GRID2: variants seen among roughly 807,000 people sequenced by gnomAD.
The protein encoded by GRID2 is glutamate ionotropic receptor delta type subunit 2, also known as glutamate receptor ionotropic, delta-2.
In GRID2, 33 loss-of-function variants were observed where a neutral mutation model predicts 114.8. The observed-to-expected ratio is 0.29, with a 90% CI of 0.22 to 0.38. The LOEUF (loss-of-function observed/expected upper bound fraction) is 0.38. Among genes scored for constraint, GRID2 ranks in the 10% least tolerant of loss-of-function variants. The pLI, the probability that GRID2 is intolerant of heterozygous loss-of-function variation, is 1.00. For missense variants in GRID2, 1,184 were observed against 1,257.7 expected, an observed-to-expected ratio of 0.94 and a Z score of 0.89; for synonymous variants, 505 against 449.9, an observed-to-expected ratio of 1.12 and a Z score of -1.55.
At chr4:92,605,427 T>C (rs1450613055) in intron 2 of GRID2, among the ~76,000 whole-genome samples, 1 of 151,902 alleles carries the variant, frequency 6.6e-6, no homozygotes, top group Non-Finnish European at 1.5e-5. Flanking sequence ...GAATGTATAG[T>C]CTACTAGGGG....
At chr4:92,473,376 A>G (rs1275643904) in intron 1 of GRID2, among the ~76,000 whole-genome samples, 1 of 152,146 alleles carries the variant, frequency 6.6e-6, no homozygotes, top group East Asian at 1.9e-4. Context: ...TAATAAGGAA[A>G]GTTTTATTTT....
chr4:92,788,868 A>G (rs1438078063), intron 2 of GRID2, among the ~76,000 whole-genome samples: 1 of 151,662 alleles, frequency 6.6e-6, no homozygotes, highest in Non-Finnish European at 1.5e-5. Context: ...ACTTTTTGAC[A>G]ATTATATGTT....
intron 13 of GRID2, among the ~76,000 whole-genome samples, chr4:93,616,002 G>A (rs1013440086): frequency 4.6e-5 from 7 of 151,968 alleles, no homozygotes; most frequent in African/African-American, 7.3e-5. Flanking sequence ...CTTTGAAAAT[G>A]GTTTTATGAT....
At chr4:93,387,399 T>A (rs1764424972) in intron 8 of GRID2, among the ~76,000 whole-genome samples, 1 of 152,090 alleles carries the variant, frequency 6.6e-6, no homozygotes, top group South Asian at 2.1e-4. Context: ...CTATACAGAG[T>A]TTAACCTTTC....
chr4:93,296,130 G>A (rs61679947), intron 8 of GRID2, among the ~76,000 whole-genome samples: 15,011 of 152,136 alleles, frequency 0.099, 1,558 homozygotes, highest in East Asian at 0.28. Flanking sequence ...AGTCCGTCCA[G>A]GGCCTCTAAC....
chr4:92,910,280 C>T (rs576213921), intron 2 of GRID2, among the ~76,000 whole-genome samples: 18 of 151,980 alleles, frequency 1.2e-4, no homozygotes, highest in Admixed American at 1.3e-4. Flanking sequence ...CAATTACAGA[C>T]TGCTGCACCA....
chr4:93,741,174 C>CATATATATATATATATACATATAT (rs1731346895), intron 14 of GRID2, among the ~76,000 whole-genome samples: 1 of 41,240 alleles, frequency 2.4e-5, no homozygotes, highest in African/African-American at 1.2e-4. Flanking sequence ...TATATATATA[C>CATATATATATATATATACATATAT]ATATATATAT....
chr4:92,307,054 A>C (rs1300463201), intron 1 of GRID2, among the ~76,000 whole-genome samples: 1 of 152,180 alleles, frequency 6.6e-6, no homozygotes, highest in African/African-American at 2.4e-5. Flanking sequence ...GATGACGGGT[A>C]GTATGTGTGT....
At chr4:92,998,262 T>G (rs920099058) in intron 2 of GRID2, among the ~76,000 whole-genome samples, 2 of 152,104 alleles carry the variant, frequency 1.3e-5, no homozygotes, top group African/African-American at 4.8e-5. Context: ...TATCTTTCCT[T>G]GGTTACCTTT....
intron 2 of GRID2, among the ~76,000 whole-genome samples, chr4:92,672,264 T>C (rs977265897): frequency 7.2e-5 from 11 of 152,136 alleles, no homozygotes; most frequent in African/African-American, 2.7e-4. Context: ...CTGCTCAAGA[T>C]TATTTTGAAG....
chr4:92,855,218 T>C (rs1220504159), intron 2 of GRID2, among the ~76,000 whole-genome samples: 2 of 152,082 alleles, frequency 1.3e-5, no homozygotes, highest in Non-Finnish European at 2.9e-5. Flanking sequence ...ACTGACTTAA[T>C]GAGCTGTGTC....
At chr4:93,442,161 C>T (rs932817566) in intron 10 of GRID2, among the ~76,000 whole-genome samples, 2 of 151,998 alleles carry the variant, frequency 1.3e-5, no homozygotes, top group Non-Finnish European at 2.9e-5. Context: ...GTGAATTCTA[C>T]AATGATTGAA....
intron 3 of GRID2, among the ~76,000 whole-genome samples, chr4:93,107,587 G>A (rs768587880): frequency 7.2e-5 from 11 of 151,824 alleles, no homozygotes; most frequent in South Asian, 2.1e-4. Flanking sequence ...CACCCATGTT[G>A]GAGTGCAGTG....
intron 2 of GRID2, among the ~76,000 whole-genome samples, chr4:92,976,791 A>G (rs1457199501): frequency 6.6e-6 from 1 of 152,178 alleles, no homozygotes; most frequent in Non-Finnish European, 1.5e-5. Context: ...TTTCATGGAT[A>G]TATTAGCCAG....
intron 2 of GRID2, among the ~76,000 whole-genome samples, chr4:92,891,905 T>G (rs567682442): frequency 6.6e-6 from 1 of 152,316 alleles, no homozygotes; most frequent in South Asian, 2.1e-4. Flanking sequence ...TATTCTTTCC[T>G]GTTTTCTTAA....
chr4:92,945,223 A>T (rs1392529697), intron 2 of GRID2, among the ~76,000 whole-genome samples: 2 of 152,142 alleles, frequency 1.3e-5, no homozygotes, highest in African/African-American at 2.4e-5. Flanking sequence ...ACCTCACTTT[A>T]TTCTACTCTC....
At chr4:93,267,514 GC>G (rs1234042348) in intron 8 of GRID2, among the ~76,000 whole-genome samples, 2 of 152,164 alleles carry the variant, frequency 1.3e-5, no homozygotes, top group Non-Finnish European at 2.9e-5. Flanking sequence ...CTGTCATACT[GC>G]CAACCTGGCA....
At chr4:93,526,846 G>A (rs1417086527) in intron 13 of GRID2, among the ~76,000 whole-genome samples, 2 of 151,946 alleles carry the variant, frequency 1.3e-5, no homozygotes, top group Non-Finnish European at 2.9e-5. Flanking sequence ...AAATAAACAG[G>A]AGACATCTGC....
At chr4:93,485,574 A>T (rs1726304708) in intron 11 of GRID2, among the ~76,000 whole-genome samples, 1 of 151,726 alleles carries the variant, frequency 6.6e-6, no homozygotes, top group Non-Finnish European at 1.5e-5. Context: ...TTAAGAGACA[A>T]GTTTCATTAT....
Sources: gnomAD v4.1 joint callset for allele counts (sites outside exome capture counted in the v4.1 genomes callset) on GRCh38, gnomAD v4.1.1 for gene constraint, MANE v1.5 for transcripts, NCBI Gene and HGNC (gene_info 2026-07-23, HGNC 2026-07-21) for gene names.